NAALADL2: variants seen among roughly 807,000 people sequenced by gnomAD.
NAALADL2 encodes the protein inactive N-acetylated-alpha-linked acidic dipeptidase-like protein 2.
Under a neutral mutation model 87.2 loss-of-function variants are expected in NAALADL2, and 76 were observed. The ratio of observed to expected loss-of-function variants is 0.87; its 90% CI spans 0.72 to 1.05. NAALADL2 has a LOEUF of 1.05. Among genes scored for constraint, NAALADL2 ranks in the 50% least tolerant of loss-of-function variants. NAALADL2 has a pLI of 0.00. For missense variants in NAALADL2, 1,089 were observed against 945.8 expected, an observed-to-expected ratio of 1.15 and a Z score of -1.99; for synonymous variants, 354 against 331.0, an observed-to-expected ratio of 1.07 and a Z score of -0.75.
At chr3:175,064,818 C>T (rs1714237155) in intron 1 of NAALADL2, among the ~76,000 whole-genome samples, 1 of 152,110 alleles carries the variant, frequency 6.6e-6, no homozygotes, top group African/African-American at 2.4e-5. Flanking sequence ...AGAAATCCTT[C>T]CCGGTGGAGC....
intron 5 of NAALADL2, among the ~76,000 whole-genome samples, chr3:175,432,884 T>G (rs949768888): frequency 2.6e-5 from 4 of 152,118 alleles, no homozygotes; most frequent in African/African-American, 9.6e-5. Flanking sequence ...AGCAACTTAC[T>G]TTTATTGTTT....
At chr3:174,498,831 A>G (rs1718711504) in intron 1 of NAALADL2, among the ~76,000 whole-genome samples, 1 of 151,802 alleles carries the variant, frequency 6.6e-6, no homozygotes, top group South Asian at 2.1e-4. Flanking sequence ...CATTTCCCTA[A>G]TGATTACTGA....
intron 1 of NAALADL2, among the ~76,000 whole-genome samples, chr3:174,482,977 G>A (rs539822395): frequency 2.0e-5 from 3 of 152,078 alleles, no homozygotes; most frequent in South Asian, 2.1e-4. Flanking sequence ...GTGATAATTT[G>A]TCAACCATTT....
At chr3:174,970,360 A>G (rs1023231012) in intron 1 of NAALADL2, among the ~76,000 whole-genome samples, 6 of 152,218 alleles carry the variant, frequency 3.9e-5, no homozygotes, top group Admixed American at 6.5e-5. Flanking sequence ...TACTGAGTAG[A>G]TTGCTCAGGG....
At chr3:174,610,343 C>G (rs1159776389) in intron 2 of NAALADL2, among the ~76,000 whole-genome samples, 1 of 151,526 alleles carries the variant, frequency 6.6e-6, no homozygotes, top group Non-Finnish European at 1.5e-5. Context: ...AGAGCTTCTG[C>G]ACAGCAAAAG....
At chr3:175,174,791 A>G (rs911139073) in intron 2 of NAALADL2, among the ~76,000 whole-genome samples, 84 of 148,476 alleles carry the variant, frequency 5.7e-4, no homozygotes, top group Admixed American at 4.0e-3. Flanking sequence ...GTGTGTGTAT[A>G]TATATGTGTG....
intron 3 of NAALADL2, among the ~76,000 whole-genome samples, chr3:175,252,269 C>G (rs780511744): frequency 2.6e-5 from 4 of 152,116 alleles, no homozygotes; most frequent in African/African-American, 4.8e-5. Flanking sequence ...GCTCACATCT[C>G]TATGTCACTT....
At chr3:175,605,063 C>A (rs2149652435) in intron 10 of NAALADL2, among the ~76,000 whole-genome samples, 1 of 152,294 alleles carries the variant, frequency 6.6e-6, no homozygotes, top group Non-Finnish European at 1.5e-5. Flanking sequence ...TCTAGCTATT[C>A]CTTTATGAAG....
intron 4 of NAALADL2, among the ~76,000 whole-genome samples, chr3:175,305,511 ATCTTTT>A (rs1303931012): frequency 1.3e-5 from 2 of 151,628 alleles, no homozygotes; most frequent in African/African-American, 4.9e-5. Context: ...CACATTCTTT[ATCTTTT>A]TCTTTTTCTT....
chr3:174,902,275 C>T (rs1341677628), intron 1 of NAALADL2, among the ~76,000 whole-genome samples: 1 of 152,070 alleles, frequency 6.6e-6, no homozygotes, highest in Non-Finnish European at 1.5e-5. Context: ...AACTCATTGA[C>T]CCTCTATTTA....
chr3:175,110,875 G>A (rs1310375934), intron 2 of NAALADL2, among the ~76,000 whole-genome samples: 1 of 151,678 alleles, frequency 6.6e-6, no homozygotes, highest in African/African-American at 2.4e-5. Flanking sequence ...AAAGAAACAA[G>A]ATGAATGACA....
intron 2 of NAALADL2, among the ~76,000 whole-genome samples, chr3:174,696,593 T>TAAAAAAAAAAAAAAAAAAAAAAA (rs62946360): frequency 9.0e-6 from 1 of 110,524 alleles, no homozygotes; most frequent in Non-Finnish European, 1.8e-5. Flanking sequence ...TGTAGTTATC[T>TAAAAAAAAAAAAAAAAAAAAAAA]AAAAAAAAAA....
rs547348579 is a variant in NAALADL2, at chr3:174,444,457, CTT to C, written c.-184+3427_-184+3428del. 1.8e-3 allele frequency among the ~76,000 whole-genome samples: 272 copies of C among 152,240 alleles called. 2 individuals carry two copies. The highest frequency in any genetic ancestry group is 6.0e-3 in the African/African-American group (249 of 41,540). ...TCTAAGAATTGCTTGAAACAGAAAA[CTT>C]TGTGCATTGTTGAGGACAGAAGGGG... On this transcript the variant is annotated intron_variant, in intron 1 of 3. Transcript: ENST00000434257.
intron 1 of NAALADL2, among the ~76,000 whole-genome samples, chr3:174,932,967 A>C (rs1737144025): frequency 6.6e-6 from 1 of 152,130 alleles, no homozygotes; most frequent in South Asian, 2.1e-4. Flanking sequence ...AAAATGCAAA[A>C]TTAGCTGGGT....
chr3:175,657,544 T>G (rs888403112), intron 11 of NAALADL2, among the ~76,000 whole-genome samples: 1 of 151,686 alleles, frequency 6.6e-6, no homozygotes, highest in Non-Finnish European at 1.5e-5. Context: ...AATGAGAAAC[T>G]TACAAGCATG....
At chr3:174,565,588 G>A (rs551715549) in intron 2 of NAALADL2, among the ~76,000 whole-genome samples, 45 of 151,840 alleles carry the variant, frequency 3.0e-4, no homozygotes, top group Non-Finnish European at 5.3e-4. Context: ...GGATTTCTTC[G>A]TTGCTTTTAA....
At chr3:175,244,907 T>C (rs1001351725) in intron 3 of NAALADL2, among the ~76,000 whole-genome samples, 1 of 152,110 alleles carries the variant, frequency 6.6e-6, no homozygotes, top group Non-Finnish European at 1.5e-5. Context: ...GTTTACTTTT[T>C]GTTGTTGTTG....
Position 175,718,195 on chromosome 3 carries a change from G to GTTTTTTTTTTTTTT in NAALADL2, c.1897-19096_1897-19083dup. ...TGGAGGGGAAGGGGAAGGGCCTGTG[G>GTTTTTTTTTTTTTT]TTTTTTTTTTTTTTTTTTTTTTTTT... On this transcript the variant is annotated intron_variant, in intron 11 of 13. Coordinates refer to ENST00000454872, the MANE Select transcript of NAALADL2 (RefSeq NM_207015.3). 2.4e-5 allele frequency: 20 copies of GTTTTTTTTTTTTTT among 823,390 alleles called. 6 individuals are homozygous for GTTTTTTTTTTTTTT. Among genetic ancestry groups the GTTTTTTTTTTTTTT allele is most frequent in the East Asian group, 7.0e-5 (2 of 28,670 alleles). The allele number at this position is 823,390 out of a possible 1,614,324, so 51.0% of individuals were successfully genotyped here.
chr3:174,579,241 C>T (rs1715889144), intron 2 of NAALADL2, among the ~76,000 whole-genome samples: 1 of 151,952 alleles, frequency 6.6e-6, no homozygotes, highest in Admixed American at 6.6e-5. Context: ...TATATTTCTC[C>T]CTAAAGCCTT....
Sources: allele counts gnomAD v4.1 joint callset (sites outside exome capture counted in the v4.1 genomes callset), GRCh38; gene constraint gnomAD v4.1.1; transcripts MANE v1.5; gene names NCBI Gene and HGNC (gene_info 2026-07-23, HGNC 2026-07-21).